Variants in PHLDB3 observed in about 807,000 individuals in gnomAD.
The protein encoded by PHLDB3 is pleckstrin homology like domain family B member 3, also known as pleckstrin homology-like domain family B member 3.
PHLDB3 carries 86 observed loss-of-function variants against 85.7 expected under a neutral mutation model. The ratio of observed to expected loss-of-function variants is 1.00; its 90% CI spans 0.84 to 1.20. The LOEUF (loss-of-function observed/expected upper bound fraction) is 1.20, where lower values mean the gene tolerates loss of function less well. PHLDB3 is among the 50% of genes most tolerant of loss of function. The probability of loss-of-function intolerance (pLI) is 0.00; values close to 1 mark genes in which losing one functional copy is unlikely to be tolerated. For missense variants in PHLDB3, 995 were observed against 873.0 expected (o/e 1.14, Z -1.76); for synonymous variants, 376 against 349.8 (o/e 1.07, Z -0.83).
In PHLDB3 at chr19:43,483,473, CT is replaced by C. The variant is rs537352448; in HGVS notation, c.1485+2792del. Among the ~76,000 whole-genome samples, 563 of 152,150 alleles carry C rather than the reference CT, an allele frequency of 3.7e-3. 5 individuals are homozygous for C. The highest frequency in any genetic ancestry group is 0.012 in the African/African-American group (507 of 41,530). On this transcript the variant is annotated intron_variant, in intron 13 of 15. Transcript: ENST00000292140. ...TTTAAATTTCTGTAGAGATGAGGGTCTGACTATGTTGCCCAGGCTGTTCTCC... is the reference window on the plus strand; with the variant it reads ...TTTAAATTTCTGTAGAGATGAGGGTCGACTATGTTGCCCAGGCTGTTCTCC...
intron 4 of PHLDB3, among the ~76,000 whole-genome samples, chr19:43,498,080 G>A (rs568937848): frequency 6.6e-6 from 1 of 152,296 alleles, no homozygotes; most frequent in African/African-American, 2.4e-5. Flanking sequence ...GCCCACACCT[G>A]TAATCCTAGC....
At chr19:43,501,603 ACT>A (rs1971599902) in intron 4 of PHLDB3, 129 bp downstream of exon 4, 1 of 1,451,244 alleles carries the variant, frequency 6.9e-7, no homozygotes, top group Admixed American at 2.6e-5. Context: ...TCTGCCCCTC[ACT>A]CTCTCAGGAG....
chr19:43,485,888 G>T, intron 13 of PHLDB3: 1 of 865,136 alleles, frequency 1.2e-6, no homozygotes, highest in Non-Finnish European at 1.4e-6. Context: ...GTTCCAGCAT[G>T]GACTGGGCAT....
intron 4 of PHLDB3, among the ~76,000 whole-genome samples, chr19:43,501,240 A>G (rs1028394217): frequency 6.6e-5 from 9 of 136,318 alleles, no homozygotes; most frequent in African/African-American, 1.1e-4. Flanking sequence ...CTGGAGTGCA[A>G]TGGTGCGATC....
intron 9 of PHLDB3, among the ~76,000 whole-genome samples, chr19:43,490,810 G>T (rs1423391494): frequency 6.6e-6 from 1 of 152,188 alleles, no homozygotes; most frequent in Non-Finnish European, 1.5e-5. Context: ...GCAGGCCATA[G>T]AAACAGGCCG....
chr19:43,487,590 A>C (rs949464112), intron 9 of PHLDB3, among the ~76,000 whole-genome samples: 4 of 149,578 alleles, frequency 2.7e-5, no homozygotes, highest in African/African-American at 9.8e-5. Context: ...AAAAAAAAAA[A>C]AACACAGAAA....
chr19:43,481,899 G>A lies in PHLDB3; in HGVS notation c.1486-2306C>T, dbSNP rs141482852. On this transcript the variant is annotated intron_variant, in intron 13 of 15. Coordinates refer to ENST00000292140, the MANE Select transcript of PHLDB3 (RefSeq NM_198850.4). ...CTGGTTGGAGACAGGAGAGTGAGGTGGGGAAATGAGAAGGATTAGGGAGGA... is the reference window on the plus strand; with the variant it reads ...CTGGTTGGAGACAGGAGAGTGAGGTAGGGAAATGAGAAGGATTAGGGAGGA... Among the ~76,000 whole-genome samples, 674 of 152,022 alleles carry A rather than the reference G, an allele frequency of 4.4e-3. 5 individuals are homozygous for A. Among genetic ancestry groups the A allele is most frequent in the African/African-American group, 0.015 (636 of 41,454 alleles).
intron 13 of PHLDB3, among the ~76,000 whole-genome samples, chr19:43,481,755 C>A (rs148320294): frequency 1.3e-5 from 2 of 149,994 alleles, no homozygotes; most frequent in African/African-American, 4.9e-5. Flanking sequence ...GATCACACCA[C>A]GGCACTCCAG....
intron 9 of PHLDB3, among the ~76,000 whole-genome samples, chr19:43,491,377 C>A (rs552970530): frequency 3.3e-5 from 5 of 152,086 alleles, no homozygotes; most frequent in African/African-American, 1.2e-4. Context: ...TGCCAGTATA[C>A]GACTGTTTCT....
intron 3 of PHLDB3, 100 bp from the exon 4 acceptor site, chr19:43,501,971 G>A: frequency 6.7e-7 from 1 of 1,484,604 alleles, no homozygotes. Flanking sequence ...GGACTCCAGG[G>A]ACCTGAATTT....
chr19:43,482,584 G>A (rs1235940573), intron 13 of PHLDB3, among the ~76,000 whole-genome samples: 2 of 152,190 alleles, frequency 1.3e-5, no homozygotes, highest in Admixed American at 1.3e-4. Flanking sequence ...TGTCACCCAG[G>A]CTGGAGAGCA....
chr19:43,494,954 T>A, intron 8 of PHLDB3, 139 bp from the exon 9 acceptor site: 1 of 667,644 alleles, frequency 1.5e-6, no homozygotes, highest in Non-Finnish European at 2.6e-6. Flanking sequence ...ATGTGGTCCT[T>A]CGTGTCCAGT....
At chr19:43,493,373 T>A (rs1419892362) in intron 9 of PHLDB3, among the ~76,000 whole-genome samples, 1 of 151,920 alleles carries the variant, frequency 6.6e-6, no homozygotes, top group East Asian at 1.9e-4. Context: ...CGGTGGCTCA[T>A]GCCTGTAATC....
At chr19:43,478,940 CAA>C (rs1272495324) in intron 14 of PHLDB3, among the ~76,000 whole-genome samples, 1 of 147,746 alleles carries the variant, frequency 6.8e-6, no homozygotes, top group Non-Finnish European at 1.5e-5. Context: ...AAAACAAAAA[CAA>C]AAAAAAGTGT....
rs1336338631 is a variant in PHLDB3 at position 43,475,366 on chromosome 19, C to A, written c.*44G>T. 3 of 1,592,598 alleles carry A rather than the reference C, an allele frequency of 1.9e-6. No homozygotes were observed. The highest frequency in any genetic ancestry group is 2.2e-5 in the East Asian group (1 of 44,546). ...CTAGGAACGCCCCCGCGCCCCGCGC[C>A]GGCGGAGCCTCGAAGGGACTTCCCC... is the stretch of plus-strand genomic sequence containing the variant. On this transcript the variant is annotated 3_prime_UTR_variant, in exon 16 of 16. Transcript: ENST00000292140.
At chr19:43,482,818 G>A (rs1161897845) in intron 13 of PHLDB3, among the ~76,000 whole-genome samples, 2 of 152,080 alleles carry the variant, frequency 1.3e-5, no homozygotes, top group Admixed American at 6.6e-5. Flanking sequence ...GATTACAGGC[G>A]TGAGCCACCA....
At chr19:43,481,978 A>G (rs1053369269) in intron 13 of PHLDB3, among the ~76,000 whole-genome samples, 5 of 151,986 alleles carry the variant, frequency 3.3e-5, no homozygotes, top group East Asian at 1.9e-4. Flanking sequence ...TGGGCCTGCA[A>G]TCTCCCCAAA....
In PHLDB3 at chr19:43,475,448, C is replaced by A. The variant is rs770403619; in HGVS notation, c.1885G>T (p.Val629Phe). The A allele has an allele frequency of 6.2e-7, 1 of 1,613,950 alleles. No homozygotes were observed. The highest frequency in any genetic ancestry group is 8.5e-7 in the Non-Finnish European group (1 of 1,179,854). Reference sequence around the variant, plus strand: ...TTTTCGTCAGCGGCGGTCACGATGACGTCCATCCAAATGCGCATGGCTTCG... The same window carrying A: ...TTTTCGTCAGCGGCGGTCACGATGAAGTCCATCCAAATGCGCATGGCTTCG... Reference protein sequence around the residue: ...SPEAMRIWMDVIVTAADENHA... With the variant: ...SPEAMRIWMDFIVTAADENHA... Residue 629 changes from valine (V) to phenylalanine (F), a missense_variant, in exon 16 of 16, where the codon GTC becomes TTC. By Grantham distance (50) the Val-to-Phe change is conservative. Coordinates refer to ENST00000292140, the MANE Select transcript of PHLDB3 (RefSeq NM_198850.4).
At chr19:43,486,588 G>A (rs762526788) in intron 12 of PHLDB3, 21 bp downstream of exon 12, 66 of 1,608,122 alleles carry the variant, frequency 4.1e-5, no homozygotes, top group Non-Finnish European at 5.4e-5. Context: ...CTGTTCCGAA[G>A]AGGATGGCCT....
Sources: allele counts gnomAD v4.1 joint callset (sites outside exome capture counted in the v4.1 genomes callset), GRCh38; gene constraint gnomAD v4.1.1; transcripts MANE v1.5; gene names NCBI Gene and HGNC (gene_info 2026-07-23, HGNC 2026-07-21).